UBE2Q2: variants seen among roughly 807,000 people sequenced by gnomAD.
UBE2Q2 encodes ubiquitin-conjugating enzyme E2 Q2.
A neutral mutation model predicts 59.9 loss-of-function variants in UBE2Q2; 54 were observed. The ratio of observed to expected loss-of-function variants is 0.90; its 90% CI spans 0.72 to 1.13. UBE2Q2 has a LOEUF of 1.13. UBE2Q2 is among the 50% of genes most tolerant of loss of function. UBE2Q2 has a pLI of 0.00. For synonymous variants in UBE2Q2, 165 were observed against 155.2 expected, an observed-to-expected ratio of 1.06 and a Z score of -0.47; for missense variants, 433 against 441.9, an observed-to-expected ratio of 0.98 and a Z score of 0.18.
intron 1 of UBE2Q2, chr15:75,844,223 CTGT>C (rs1010383778): frequency 1.9e-5 from 28 of 1,475,734 alleles, no homozygotes; most frequent in Non-Finnish European, 2.2e-5. Flanking sequence ...GCAGCTCCGG[CTGT>C]TGTTTGAGCC....
At chr15:75,850,700 A>G (rs1418045581) in intron 1 of UBE2Q2, among the ~76,000 whole-genome samples, 2 of 152,222 alleles carry the variant, frequency 1.3e-5, no homozygotes, top group African/African-American at 2.4e-5. Flanking sequence ...TTCCAAGGAA[A>G]GAATTCTAAG....
At chr15:75,859,478 G>A (rs912177067) in intron 2 of UBE2Q2, among the ~76,000 whole-genome samples, 2 of 152,062 alleles carry the variant, frequency 1.3e-5, no homozygotes, top group South Asian at 2.1e-4. Flanking sequence ...TAACAACACT[G>A]CCTGTGTGTG....
At chr15:75,889,011 C>T (rs896450682) in intron 9 of UBE2Q2, among the ~76,000 whole-genome samples, 4 of 152,176 alleles carry the variant, frequency 2.6e-5, no homozygotes, top group African/African-American at 9.7e-5. Flanking sequence ...GTTAACTCAT[C>T]AACCGATTAT....
chr15:75,844,384 T>C, intron 1 of UBE2Q2: 1 of 1,551,324 alleles, frequency 6.4e-7, no homozygotes. Flanking sequence ...GGAGGAAAAG[T>C]TGGAATGCAG....
At chr15:75,884,059 C>T (rs1898614729) in intron 9 of UBE2Q2, among the ~76,000 whole-genome samples, 1 of 152,098 alleles carries the variant, frequency 6.6e-6, no homozygotes, top group African/African-American at 2.4e-5. Flanking sequence ...AGAGGTAATA[C>T]TTGCAGTTTA....
chr15:75,857,224 A>T (rs763939976), intron 2 of UBE2Q2, among the ~76,000 whole-genome samples: 10 of 152,346 alleles, frequency 6.6e-5, no homozygotes, highest in Admixed American at 1.3e-4. Flanking sequence ...AAGGGGGTTG[A>T]TGGGAAAGAG....
intron 2 of UBE2Q2, 75 bp downstream of exon 2, chr15:75,854,562 T>C: frequency 1.1e-6 from 1 of 887,292 alleles, no homozygotes; most frequent in African/African-American, 1.7e-5. Flanking sequence ...TAAGAGATAA[T>C]ATGATATAAA....
chr15:75,857,849 G>C, intron 2 of UBE2Q2, among the ~76,000 whole-genome samples: 1 of 151,170 alleles, frequency 6.6e-6, no homozygotes, highest in Admixed American at 6.6e-5. Context: ...AAAATATTGT[G>C]TATAATTGGC....
At chr15:75,865,801 G>GTTTTTTT (rs1045734352) in intron 3 of UBE2Q2, among the ~76,000 whole-genome samples, 1 of 139,104 alleles carries the variant, frequency 7.2e-6, no homozygotes. Context: ...ATAATATCTG[G>GTTTTTTT]TTGTTTTTTT....
rs750397409 is a variant in UBE2Q2, at chr15:75,854,384, A to G, written c.181-2A>G. ...TTTAACATGTGTCTCTGTGTTAAAC[A>G]GGAATCCTATCCATCTTCTTCACCG... On this transcript the variant is annotated splice_acceptor_variant, in intron 1 of 12. Transcript: ENST00000267938. LOFTEE classifies it high-confidence loss of function. 4 of 1,610,768 alleles carry G rather than the reference A, an allele frequency of 2.5e-6. No individual in the cohort carries two copies. In the Admixed American group the frequency reaches 6.7e-5, roughly 27 times the overall value.
At chr15:75,884,577 TG>T (rs1898649223) in intron 9 of UBE2Q2, among the ~76,000 whole-genome samples, 2 of 152,218 alleles carry the variant, frequency 1.3e-5, no homozygotes, top group South Asian at 4.1e-4. Flanking sequence ...TGTGTTTGTT[TG>T]TTTTTTTAAC....
intron 3 of UBE2Q2, among the ~76,000 whole-genome samples, chr15:75,867,895 A>G (rs1224812584): frequency 1.3e-5 from 2 of 152,212 alleles, no homozygotes; most frequent in Non-Finnish European, 2.9e-5. Context: ...ATTTAGGGAA[A>G]TGAAAAAAGG....
At chr15:75,844,259 C>T in intron 1 of UBE2Q2, 3 of 1,521,032 alleles carry the variant, frequency 2.0e-6, no homozygotes, top group South Asian at 2.5e-5. Context: ...GGGAACGGCC[C>T]TTAAGTTTTA....
At chr15:75,875,546 T>G (rs187548890) in intron 5 of UBE2Q2, among the ~76,000 whole-genome samples, 11 of 152,330 alleles carry the variant, frequency 7.2e-5, no homozygotes, top group African/African-American at 2.6e-4. Flanking sequence ...TTTTAGTAAA[T>G]AATGTGTCAC....
At chr15:75,876,693 G>A (rs1170564778) in intron 6 of UBE2Q2, among the ~76,000 whole-genome samples, 1 of 152,078 alleles carries the variant, frequency 6.6e-6, no homozygotes, top group Non-Finnish European at 1.5e-5. Context: ...AGATAGTTAT[G>A]TTATTACCTT....
In UBE2Q2 at chr15:75,853,048, T is replaced by C. The variant is rs188102275; in HGVS notation, c.181-1338T>C. ...TAGTTGTTCTGAAGCTAATATACGA[T>C]AATAATGGCTTTTCCCCAATTTATA... On this transcript the variant is annotated intron_variant, in intron 1 of 12. Coordinates refer to ENST00000267938, the MANE Select transcript of UBE2Q2 (RefSeq NM_173469.4). Among the ~76,000 whole-genome samples, 28 of 152,334 alleles carry C rather than the reference T, an allele frequency of 1.8e-4. No individual in the cohort carries two copies. The East Asian group carries it at 2.9e-3, about 16-fold the overall frequency.
chr15:75,882,823 C>T (rs562898273), intron 8 of UBE2Q2, among the ~76,000 whole-genome samples: 1 of 152,056 alleles, frequency 6.6e-6, no homozygotes, highest in African/African-American at 2.4e-5. Flanking sequence ...TCTTCAGGGT[C>T]CCAACCTAAG....
chr15:75,878,672 A>G (rs1020324783), intron 7 of UBE2Q2, among the ~76,000 whole-genome samples: 4 of 150,408 alleles, frequency 2.7e-5, no homozygotes, highest in East Asian at 2.0e-4. Flanking sequence ...TATATAGGAC[A>G]GTTGTAGACA....
intron 6 of UBE2Q2, among the ~76,000 whole-genome samples, chr15:75,876,526 A>ACT (rs1386642283): frequency 6.6e-6 from 1 of 152,050 alleles, no homozygotes; most frequent in Admixed American, 6.6e-5. Context: ...TAAACAGTGA[A>ACT]CTCTTACATG....
Sources: allele counts gnomAD v4.1 joint callset (sites outside exome capture counted in the v4.1 genomes callset), GRCh38; gene constraint gnomAD v4.1.1; transcripts MANE v1.5; gene names NCBI Gene and HGNC (gene_info 2026-07-23, HGNC 2026-07-21).